ADAMTS12: variants seen among roughly 807,000 people sequenced by gnomAD.
ADAMTS12 encodes the protein ADAM metallopeptidase with thrombospondin type 1 motif 12, also known as A disintegrin and metalloproteinase with thrombospondin motifs 12.
In ADAMTS12, 118 loss-of-function variants were observed where a neutral mutation model predicts 167.8. The observed-to-expected ratio is 0.70, with a 90% CI of 0.61 to 0.82. The LOEUF (loss-of-function observed/expected upper bound fraction) is 0.82, where lower values mean the gene tolerates loss of function less well. Ranked by LOEUF, ADAMTS12 falls within the 40% of genes least tolerant of loss-of-function variation. The pLI, the probability that ADAMTS12 is intolerant of heterozygous loss-of-function variation, is 0.00. For missense variants in ADAMTS12, 1,916 were observed against 1,998.8 expected, an observed-to-expected ratio of 0.96 and a Z score of 0.79; for synonymous variants, 704 against 716.9, an observed-to-expected ratio of 0.98 and a Z score of 0.29.
At chr5:33,711,106 C>G (rs1010765972) in intron 3 of ADAMTS12, among the ~76,000 whole-genome samples, 3 of 152,092 alleles carry the variant, frequency 2.0e-5, no homozygotes, top group African/African-American at 7.2e-5. Flanking sequence ...ATGTCCTACC[C>G]CTGGACCAGC....
intron 13 of ADAMTS12, among the ~76,000 whole-genome samples, chr5:33,627,653 A>G (rs1254315791): frequency 1.3e-5 from 2 of 152,148 alleles, no homozygotes; most frequent in African/African-American, 2.4e-5. Flanking sequence ...CTATAGAAGA[A>G]CAGGTTGGGG....
chr5:33,742,882 T>C (rs1191429419), intron 3 of ADAMTS12, among the ~76,000 whole-genome samples: 1 of 152,116 alleles, frequency 6.6e-6, no homozygotes, highest in Non-Finnish European at 1.5e-5. Flanking sequence ...ATATTTCTGG[T>C]TCATGGAAGA....
At chr5:33,691,968 A>C (rs1343330360) in intron 3 of ADAMTS12, among the ~76,000 whole-genome samples, 1 of 152,176 alleles carries the variant, frequency 6.6e-6, no homozygotes, top group Non-Finnish European at 1.5e-5. Flanking sequence ...TCCCTACCCC[A>C]CTGGCCCAGG....
Position 33,891,877 on chromosome 5 carries a change from G to A in ADAMTS12, c.-21C>T, listed in dbSNP as rs773494638. 8.1e-6 allele frequency: 13 copies of A among 1,603,692 alleles called. No homozygotes were observed. Among genetic ancestry groups the A allele is most frequent in the African/African-American group, 5.4e-5 (4 of 74,162 alleles). On this transcript the variant is annotated 5_prime_UTR_variant, in exon 1 of 24. Coordinates refer to ENST00000504830, the MANE Select transcript of ADAMTS12 (RefSeq NM_030955.4). ...GGCATGATTCAGATGTTGAGGAGAA[G>A]AAAAGTCAAAAAAGTTTTAGCCCTC... is the stretch of plus-strand genomic sequence containing the variant.
intron 5 of ADAMTS12, among the ~76,000 whole-genome samples, chr5:33,667,570 G>T (rs1421202244): frequency 6.6e-6 from 1 of 152,118 alleles, no homozygotes; most frequent in Non-Finnish European, 1.5e-5. Context: ...AAGCCCTGCT[G>T]ATGATTAAAT....
At chr5:33,763,263 A>T (rs1745419165) in intron 2 of ADAMTS12, among the ~76,000 whole-genome samples, 2 of 152,170 alleles carry the variant, frequency 1.3e-5, no homozygotes, top group Non-Finnish European at 2.9e-5. Context: ...CTGCACCATC[A>T]GAGTTGACCT....
rs1048840184 is a variant in ADAMTS12 at position 33,630,931 on chromosome 5, G to A, written c.1889-18C>T. ...AGGATGTGCTGAAGGGAAAAAAGAA[G>A]GCAAAGCCTTGCAAATTAGCTTTTA... On this transcript the variant is annotated intron_variant, in intron 12 of 23. Coordinates refer to ENST00000504830, the MANE Select transcript of ADAMTS12 (RefSeq NM_030955.4). 3 of 1,607,754 alleles carry A rather than the reference G, an allele frequency of 1.9e-6. No homozygotes were observed. Among genetic ancestry groups the A allele is most frequent in the African/African-American group, 2.7e-5 (2 of 74,776 alleles).
At chr5:33,766,168 G>A (rs189801751) in intron 2 of ADAMTS12, among the ~76,000 whole-genome samples, 130 of 152,170 alleles carry the variant, frequency 8.5e-4, no homozygotes, top group Admixed American at 2.4e-3. Flanking sequence ...TAAAAGAGAA[G>A]GAAAAAAGTT....
chr5:33,829,630 T>A (rs568884229), intron 2 of ADAMTS12, among the ~76,000 whole-genome samples: 2 of 152,294 alleles, frequency 1.3e-5, no homozygotes, highest in Non-Finnish European at 2.9e-5. Flanking sequence ...TCAACCCCCT[T>A]GGGTCTTAAT....
chr5:33,658,162 C>G, intron 7 of ADAMTS12, 22 bp downstream of exon 7: 1 of 1,611,898 alleles, frequency 6.2e-7, no homozygotes, highest in South Asian at 1.1e-5. Context: ...GTGAGCAAAC[C>G]TCCCTATCAT....
At chr5:33,850,178 T>A (rs1407605205) in intron 2 of ADAMTS12, among the ~76,000 whole-genome samples, 2 of 152,032 alleles carry the variant, frequency 1.3e-5, no homozygotes, top group South Asian at 4.2e-4. Context: ...ACCACGAGCG[T>A]CTAATGGTCC....
At chr5:33,829,848 C>G (rs1748228009) in intron 2 of ADAMTS12, among the ~76,000 whole-genome samples, 1 of 152,184 alleles carries the variant, frequency 6.6e-6, no homozygotes. Flanking sequence ...AGAATTCACC[C>G]GCTTCATACT....
chr5:33,780,175 A>G (rs1339945461), intron 2 of ADAMTS12, among the ~76,000 whole-genome samples: 1 of 152,206 alleles, frequency 6.6e-6, no homozygotes, highest in East Asian at 1.9e-4. Flanking sequence ...TAAAGATAGA[A>G]AATTAATCCA....
At chr5:33,780,879 T>A (rs1746101998) in intron 2 of ADAMTS12, among the ~76,000 whole-genome samples, 2 of 152,264 alleles carry the variant, frequency 1.3e-5, no homozygotes, top group South Asian at 4.2e-4. Flanking sequence ...AAGCTCCTGA[T>A]GGTCATGCAG....
chr5:33,721,738 G>A (rs1743813322), intron 3 of ADAMTS12, among the ~76,000 whole-genome samples: 1 of 152,190 alleles, frequency 6.6e-6, no homozygotes, highest in African/African-American at 2.4e-5. Context: ...CAGCTTTCCT[G>A]GGTCTATTCC....
chr5:33,878,466 T>A (rs931607707), intron 2 of ADAMTS12, among the ~76,000 whole-genome samples: 1 of 152,184 alleles, frequency 6.6e-6, no homozygotes, highest in Admixed American at 6.5e-5. Context: ...TGAAAATGCC[T>A]ACATGGTAGT....
chr5:33,567,681 T>C (rs1485417527), intron 19 of ADAMTS12, among the ~76,000 whole-genome samples: 1 of 152,198 alleles, frequency 6.6e-6, no homozygotes, highest in Non-Finnish European at 1.5e-5. Flanking sequence ...ACTGTGGTAA[T>C]AGAGGGACAA....
intron 8 of ADAMTS12, 87 bp downstream of exon 8, chr5:33,649,467 C>T: frequency 2.0e-6 from 3 of 1,496,048 alleles, no homozygotes; most frequent in Admixed American, 2.0e-5. Flanking sequence ...CAGCCTTTTC[C>T]AGGCATCAGC....
At chr5:33,555,204 T>C (rs890691406) in intron 20 of ADAMTS12, among the ~76,000 whole-genome samples, 1 of 152,164 alleles carries the variant, frequency 6.6e-6, no homozygotes, top group African/African-American at 2.4e-5. Context: ...CTCATTATTA[T>C]CTCTTACTAC....
Sources: allele counts gnomAD v4.1 joint callset (sites outside exome capture counted in the v4.1 genomes callset), GRCh38; gene constraint gnomAD v4.1.1; transcripts MANE v1.5; gene names NCBI Gene and HGNC (gene_info 2026-07-23, HGNC 2026-07-21).